Variants in POU5F1B observed in about 807,000 individuals in gnomAD.
POU5F1B encodes POU domain, class 5, transcription factor 1B.
POU5F1B carries 24 observed loss-of-function variants against 28.1 expected under a neutral mutation model. The observed-to-expected ratio is 0.85, with a 90% CI of 0.62 to 1.20. The LOEUF (loss-of-function observed/expected upper bound fraction) is 1.20, where lower values mean the gene tolerates loss of function less well. Ranked by LOEUF, POU5F1B falls within the 50% of genes most tolerant of loss-of-function variation. The probability of loss-of-function intolerance (pLI) is 0.00; values close to 1 mark genes in which losing one functional copy is unlikely to be tolerated. For synonymous variants in POU5F1B, 220 were observed against 193.2 expected (o/e 1.14, Z -1.15); for missense variants, 451 against 451.5 (o/e 1.00, Z 0.01).
intron 1 of POU5F1B, among the ~76,000 whole-genome samples, chr8:127,413,892 A>G (rs1173697046): frequency 1.3e-5 from 2 of 150,130 alleles, no homozygotes. Flanking sequence ...CACCCGATAT[A>G]ATACAATATT....
chr8:127,413,652 A>C (rs1159974546), intron 1 of POU5F1B, among the ~76,000 whole-genome samples: 1 of 152,246 alleles, frequency 6.6e-6, no homozygotes, highest in East Asian at 1.9e-4. Context: ...GAACAGATTA[A>C]ATAAAGCAGA....
At chr8:127,415,915 G>T (rs562626736) in exon 3 of POU5F1B, 6 of 1,548,882 alleles carry the variant, frequency 3.9e-6, no homozygotes, top group Non-Finnish European at 5.2e-6. Context: ...CCCTCCAGGC[G>T]GTGGGGGTGA....
At chr8:127,414,422 T>C (rs1815101586) in intron 1 of POU5F1B, among the ~76,000 whole-genome samples, 1 of 152,198 alleles carries the variant, frequency 6.6e-6, no homozygotes. Context: ...TGCCACATTA[T>C]GTAACAGAAA....
Sources: allele counts gnomAD v4.1 joint callset (sites outside exome capture counted in the v4.1 genomes callset), GRCh38; gene constraint gnomAD v4.1.1; transcripts MANE v1.5; gene names NCBI Gene and HGNC (gene_info 2026-07-23, HGNC 2026-07-21).